EI24: variants seen among roughly 807,000 people sequenced by gnomAD.
The protein encoded by EI24 is etoposide-induced protein 2.4 homolog.
EI24 carries 21 observed loss-of-function variants against 48.6 expected under a neutral mutation model. The ratio of observed to expected loss-of-function variants is 0.43; its 90% CI spans 0.31 to 0.62. EI24 has a LOEUF of 0.62. Ranked by LOEUF, EI24 falls within the 20% of genes least tolerant of loss-of-function variation. EI24 has a pLI of 0.10. For synonymous variants in EI24, 114 were observed against 145.5 expected (o/e 0.78, Z 1.56); for missense variants, 280 against 410.5 (o/e 0.68, Z 2.75).
chr11:125,581,581 C>T (rs1247821420), intron 9 of EI24, among the ~76,000 whole-genome samples: 1 of 116,738 alleles, frequency 8.6e-6, no homozygotes, highest in Non-Finnish European at 1.6e-5. Context: ...GAGTCTCACT[C>T]TGTCGCCCAG....
At position 125,577,723 on chromosome 11, in the gene EI24, G is replaced by A. The variant is rs182753786; in HGVS notation, c.316+153G>A. The A allele has an allele frequency of 5.0e-5, 33 of 661,752 alleles. No individual in the cohort carries two copies. The African/African-American group carries it at 5.2e-4, about 10-fold the overall frequency. The allele number at this position is 661,752 out of a possible 1,614,324, so 41.0% of individuals were successfully genotyped here. A position where few individuals can be genotyped will look rare whatever the true frequency, so the allele number is the denominator to read the frequency against. On this transcript the variant is annotated intron_variant, in intron 5 of 10. Transcript: ENST00000278903. Reference sequence around the variant, plus strand: ...TATTCTTTTTAAAAATTTATATTTCGTTATTCTCCTAGAGGCCCTTTAAGA... The same window carrying A: ...TATTCTTTTTAAAAATTTATATTTCATTATTCTCCTAGAGGCCCTTTAAGA...
chr11:125,581,394 C>A (rs745796430), intron 9 of EI24, 72 bp downstream of exon 9: 2 of 991,492 alleles, frequency 2.0e-6, no homozygotes, highest in Admixed American at 2.1e-5. Context: ...CTTTTGTTTG[C>A]TTCGTTCTGT....
At chr11:125,577,431 A>C (rs1938793778) in intron 4 of EI24, 73 bp from the exon 5 acceptor site, 6 of 1,428,728 alleles carry the variant, frequency 4.2e-6, no homozygotes, top group Non-Finnish European at 5.9e-6. Context: ...CTATAAAATC[A>C]TTACACTAAA....
In EI24 at chr11:125,576,041, C is replaced by T. The variant is rs1025400382; in HGVS notation, c.189-214C>T. 54 of 544,954 alleles carry T rather than the reference C, an allele frequency of 9.9e-5. 3 individuals carry two copies. Among genetic ancestry groups the T allele is most frequent in the South Asian group, 9.4e-4 (45 of 47,682 alleles). 33.8% of individuals were successfully genotyped at this position (544,954 alleles called of 1,614,324 possible). A position where few individuals can be genotyped will look rare whatever the true frequency, so the allele number is the denominator to read the frequency against. On this transcript the variant is annotated intron_variant, in intron 3 of 10. Coordinates refer to ENST00000278903, the MANE Select transcript of EI24 (RefSeq NM_004879.5). ...CCTGACCTCAGTTGATCGCCTACCA[C>T]GGCCTCCCAAAGTGTTAGGATTACA...
chr11:125,580,257 C>T, intron 8 of EI24, 53 bp downstream of exon 8: 1 of 1,314,054 alleles, frequency 7.6e-7, no homozygotes, highest in East Asian at 2.3e-5. Flanking sequence ...GGAAATGCTA[C>T]TGCTAAGCAG....
In EI24 at chr11:125,582,812, T is replaced by C. The variant is rs147164583; in HGVS notation, c.860+392T>C. ...ATTTTGGTTAAGTCAGTGTGGATAC[T>C]TGTATTAGAGACTTAGGTCTGCTTT... is the stretch of plus-strand genomic sequence containing the variant. On this transcript the variant is annotated intron_variant, in intron 10 of 10. Transcript: ENST00000278903. Among the ~76,000 whole-genome samples, 7 of 152,338 alleles carry C rather than the reference T, an allele frequency of 4.6e-5. No individual in the cohort carries two copies. In the East Asian group the frequency reaches 1.3e-3, roughly 29 times the overall value.
At chr11:125,576,464 G>C in intron 4 of EI24, 149 bp downstream of exon 4, 1 of 746,418 alleles carries the variant, frequency 1.3e-6, no homozygotes, top group South Asian at 1.8e-5. Context: ...CTGTGCATCT[G>C]CAGAGATTTT....
At chr11:125,579,832 T>A (rs1473258651) in intron 7 of EI24, among the ~76,000 whole-genome samples, 3 of 152,096 alleles carry the variant, frequency 2.0e-5, no homozygotes, top group Admixed American at 1.3e-4. Flanking sequence ...ATGCTCATTT[T>A]AAAAATCTTG....
At position 125,584,101 on chromosome 11, in the gene EI24, T is replaced by C. The variant is rs139180334; in HGVS notation, c.*418T>C. Reference sequence around the variant, plus strand: ...GAATTTGTTAATTTTGTTGTTTTTCTGTGAAACACATACATTGGATATGGG... The same window carrying C: ...GAATTTGTTAATTTTGTTGTTTTTCCGTGAAACACATACATTGGATATGGG... On this transcript the variant is annotated 3_prime_UTR_variant, in exon 11 of 11. Transcript: ENST00000278903. 2.5e-3 allele frequency: 513 copies of C among 208,844 alleles called. No homozygotes were observed. Among genetic ancestry groups the C allele is most frequent in the Non-Finnish European group, 3.0e-3 (304 of 100,932 alleles). 12.9% of individuals were successfully genotyped at this position (208,844 alleles called of 1,614,324 possible).
intron 4 of EI24, 125 bp downstream of exon 4, chr11:125,576,440 T>C (rs925721406): frequency 4.5e-6 from 4 of 882,752 alleles, no homozygotes; most frequent in Admixed American, 2.3e-5. Context: ...CACTTAGAAA[T>C]ATAACTCAGG....
chr11:125,576,138 A>G (rs1381775682), intron 3 of EI24, 117 bp from the exon 4 acceptor site: 2 of 976,776 alleles, frequency 2.0e-6, no homozygotes, highest in African/African-American at 1.6e-5. Flanking sequence ...TTGGGAGAAC[A>G]TGAGGCACTG....
chr11:125,579,605 T>C (rs184795599), intron 7 of EI24, among the ~76,000 whole-genome samples: 1 of 152,206 alleles, frequency 6.6e-6, no homozygotes, highest in Non-Finnish European at 1.5e-5. Flanking sequence ...AGGCAGAGAT[T>C]GTAGTGAGCC....
At chr11:125,582,225 G>T (rs569677208) in intron 9 of EI24, 121 bp from the exon 10 acceptor site, 2 of 868,944 alleles carry the variant, frequency 2.3e-6, no homozygotes, top group Non-Finnish European at 3.4e-6. Flanking sequence ...GAAATATTGA[G>T]GTTTCATCAA....
chr11:125,577,575 G>A lies in EI24; in HGVS notation c.316+5G>A. ...CGGTAACAGCCCGAATTATCGGTAA[G>A]TGTATACCCTGCTCCTTGTCTGTTG... On this transcript the variant is annotated splice_donor_5th_base_variant and intron_variant, in intron 5 of 10. Coordinates refer to ENST00000278903, the MANE Select transcript of EI24 (RefSeq NM_004879.5). 1 of 1,612,060 alleles carries A rather than the reference G, an allele frequency of 6.2e-7. No individual in the cohort carries two copies. Among genetic ancestry groups the A allele is most frequent in the Non-Finnish European group, 8.5e-7 (1 of 1,178,546 alleles).
intron 4 of EI24, 32 bp downstream of exon 4, chr11:125,576,347 G>A: frequency 1.9e-6 from 3 of 1,603,002 alleles, no homozygotes; most frequent in Non-Finnish European, 2.6e-6. Flanking sequence ...TGCCTTATAA[G>A]CATCTTCAGA....
intron 2 of EI24, 119 bp downstream of exon 2, chr11:125,572,688 C>A: frequency 3.2e-6 from 3 of 945,062 alleles, no homozygotes; most frequent in Non-Finnish European, 4.8e-6. Flanking sequence ...GGGTTCTTTA[C>A]ATAAAGGTTG....
chr11:125,575,134 G>A (rs1049433413), intron 2 of EI24, 129 bp from the exon 3 acceptor site: 11 of 764,950 alleles, frequency 1.4e-5, no homozygotes, highest in African/African-American at 1.2e-4. Context: ...GGCTGAGGCA[G>A]GAGGATCATT....
At position 125,583,123 on chromosome 11, in the gene EI24, C is replaced by T. The variant is rs11220137; in HGVS notation, c.861-398C>T. 8.5e-4 allele frequency among the ~76,000 whole-genome samples: 129 copies of T among 151,928 alleles called. 3 individuals are homozygous for T. In the East Asian group the frequency reaches 0.023, roughly 28 times the overall value. Reference sequence around the variant, plus strand: ...CAATGCATTCTTTTTTTTTTTGAGACGGAGTCTCGCTCTGTCACCCAAGCT... The same window carrying T: ...CAATGCATTCTTTTTTTTTTTGAGATGGAGTCTCGCTCTGTCACCCAAGCT... On this transcript the variant is annotated intron_variant, in intron 10 of 10. Transcript: ENST00000278903.
At chr11:125,578,898 T>C (rs908905165) in intron 6 of EI24, 51 bp from the exon 7 acceptor site, 23 of 1,541,716 alleles carry the variant, frequency 1.5e-5, no homozygotes, top group East Asian at 7.3e-5. Flanking sequence ...GCTTTGGGGA[T>C]GTATATCAAG....
Sources: allele counts gnomAD v4.1 joint callset (sites outside exome capture counted in the v4.1 genomes callset), GRCh38; gene constraint gnomAD v4.1.1; transcripts MANE v1.5; gene names NCBI Gene and HGNC (gene_info 2026-07-23, HGNC 2026-07-21).